Variants in PBX1 observed in about 807,000 individuals in gnomAD.
PBX1 encodes PBX homeobox 1, also known as pre-B-cell leukemia transcription factor 1.
In PBX1, 6 loss-of-function variants were observed where a neutral mutation model predicts 53.4. The ratio of observed to expected loss-of-function variants is 0.11; its 90% CI spans 0.06 to 0.22. The LOEUF (loss-of-function observed/expected upper bound fraction) is 0.22. PBX1 is among the 10% of genes least tolerant of loss of function. The pLI, the probability that PBX1 is intolerant of heterozygous loss-of-function variation, is 1.00. For missense variants in PBX1, 251 were observed against 551.4 expected, an observed-to-expected ratio of 0.46 and a Z score of 5.46; for synonymous variants, 204 against 212.3, an observed-to-expected ratio of 0.96 and a Z score of 0.34.
At chr1:164,840,450 A>C (rs12081132) in intron 8 of PBX1, among the ~76,000 whole-genome samples, 2 of 152,112 alleles carry the variant, frequency 1.3e-5, no homozygotes, top group African/African-American at 4.8e-5. Flanking sequence ...CCAGAGAGAG[A>C]AAAGATAGGG....
At chr1:164,787,580 G>C (rs925896441) in intron 2 of PBX1, 13 of 152,262 alleles carry the variant, frequency 8.5e-5, no homozygotes, top group African/African-American at 2.9e-4. Flanking sequence ...CTCCCGCCAA[G>C]GATGATCTTG....
chr1:164,579,014 G>A (rs770119801), intron 2 of PBX1, among the ~76,000 whole-genome samples: 2 of 134,168 alleles, frequency 1.5e-5, no homozygotes, highest in South Asian at 2.7e-4. Context: ...TGGCATTTCC[G>A]TGGGATGGCT....
chr1:164,638,971 C>T (rs372456635), intron 2 of PBX1, among the ~76,000 whole-genome samples: 2 of 152,154 alleles, frequency 1.3e-5, no homozygotes, highest in Admixed American at 6.5e-5. Context: ...ACTGCCTGCC[C>T]GTTTTTTCTC....
intron 2 of PBX1, among the ~76,000 whole-genome samples, chr1:164,588,509 A>G (rs1026922773): frequency 8.1e-6 from 1 of 123,600 alleles, no homozygotes; most frequent in African/African-American, 2.9e-5. Flanking sequence ...TTAGTTTCGA[A>G]GCATATGGTG....
At position 164,643,376 on chromosome 1, in the gene PBX1, G is replaced by T. The variant is rs546069273; in HGVS notation, c.265+80065G>T. Among the ~76,000 whole-genome samples, 11 of 152,232 alleles carry T rather than the reference G, an allele frequency of 7.2e-5. No homozygotes were observed. The East Asian group carries it at 1.7e-3, about 24-fold the overall frequency. On this transcript the variant is annotated intron_variant, in intron 2 of 8. Coordinates refer to ENST00000420696, the MANE Select transcript of PBX1 (RefSeq NM_002585.4). ...AATAAAAAGAAAGGGCAAAGTTCAG[G>T]GTATATATTCTAGAAGAAGATGGGA...
chr1:164,775,824 A>G (rs1040673910), intron 2 of PBX1, among the ~76,000 whole-genome samples: 1 of 152,142 alleles, frequency 6.6e-6, no homozygotes, highest in African/African-American at 2.4e-5. Flanking sequence ...AGGTAAACAC[A>G]AGCACCTGGC....
Position 164,846,870 on chromosome 1 carries a change from CT to C in PBX1, c.*202del, listed in dbSNP as rs554904027. 17 of 1,403,832 alleles carry C rather than the reference CT, an allele frequency of 1.2e-5. No individual in the cohort carries two copies. Among genetic ancestry groups the C allele is most frequent in the South Asian group, 6.7e-5 (4 of 59,748 alleles). 87.0% of individuals were successfully genotyped at this position (1,403,832 alleles called of 1,614,324 possible). Reference sequence around the variant, plus strand: ...TGGACACTTCTTTATACTCTCTTCCCTTTTTTTTCTGGGTAGAAGCCACCCT... The same window carrying C: ...TGGACACTTCTTTATACTCTCTTCCCTTTTTTTCTGGGTAGAAGCCACCCT... On this transcript the variant is annotated 3_prime_UTR_variant, in exon 9 of 9. Transcript: ENST00000420696.
intron 2 of PBX1, among the ~76,000 whole-genome samples, chr1:164,720,553 C>T (rs146156694): frequency 7.2e-4 from 110 of 152,274 alleles, no homozygotes; most frequent in Middle Eastern, 3.4e-3. Flanking sequence ...TCTGATGTAT[C>T]TGAGAACCCT....
intron 2 of PBX1, among the ~76,000 whole-genome samples, chr1:164,711,383 C>A (rs1663766151): frequency 6.6e-6 from 1 of 152,206 alleles, no homozygotes. Context: ...CCTGCCTCAG[C>A]CTCCCGAGTA....
chr1:164,770,001 C>A (rs1667282764), intron 2 of PBX1: 1 of 152,190 alleles, frequency 6.6e-6, no homozygotes, highest in South Asian at 2.1e-4. Flanking sequence ...TGAAGAACTG[C>A]ACTTGCGTAA....
chr1:164,733,789 GAATT>G (rs956005688), intron 2 of PBX1, among the ~76,000 whole-genome samples: 8 of 152,090 alleles, frequency 5.3e-5, no homozygotes, highest in African/African-American at 1.9e-4. Flanking sequence ...TCTTATATTT[GAATT>G]AATTATAAGA....
intron 2 of PBX1, chr1:164,774,330 C>G (rs187255819): frequency 6.6e-6 from 1 of 152,264 alleles, no homozygotes; most frequent in Admixed American, 6.5e-5. Context: ...CTCAAGTTTT[C>G]GAAATGAGAA....
chr1:164,597,568 A>T (rs1004329265), intron 2 of PBX1, among the ~76,000 whole-genome samples: 4 of 152,186 alleles, frequency 2.6e-5, no homozygotes, highest in Non-Finnish European at 5.9e-5. Context: ...GAGGACCATG[A>T]TATTCATCTT....
intron 2 of PBX1, among the ~76,000 whole-genome samples, chr1:164,602,030 A>G (rs1263234440): frequency 6.6e-6 from 1 of 152,174 alleles, no homozygotes; most frequent in Non-Finnish European, 1.5e-5. Context: ...TGTTAGTTAA[A>G]AGGTAATCTG....
intron 2 of PBX1, among the ~76,000 whole-genome samples, chr1:164,566,898 C>T (rs900371466): frequency 3.9e-5 from 6 of 152,144 alleles, no homozygotes; most frequent in East Asian, 1.9e-4. Context: ...TCAAAGTTAA[C>T]GCAAATCAAA....
chr1:164,716,685 T>TACAC (rs375539653), intron 2 of PBX1, among the ~76,000 whole-genome samples: 5,157 of 115,778 alleles, frequency 0.045, 200 homozygotes, highest in African/African-American at 0.093. Flanking sequence ...ATGTCATCTC[T>TACAC]ACACACACAC....
chr1:164,737,798 G>A (rs1665379395), intron 2 of PBX1, among the ~76,000 whole-genome samples: 1 of 151,982 alleles, frequency 6.6e-6, no homozygotes, highest in Non-Finnish European at 1.5e-5. Context: ...ACAAATATAT[G>A]TTTTCCTCTC....
chr1:164,782,289 T>G (rs1667972454), intron 2 of PBX1, among the ~76,000 whole-genome samples: 1 of 152,220 alleles, frequency 6.6e-6, no homozygotes, highest in African/African-American at 2.4e-5. Context: ...TGGCTGGAAT[T>G]TGCTGTTTGG....
chr1:164,761,455 T>A (rs1479078744), intron 2 of PBX1, among the ~76,000 whole-genome samples: 1 of 152,156 alleles, frequency 6.6e-6, no homozygotes, highest in African/African-American at 2.4e-5. Context: ...TTATTCTTTT[T>A]TTTTTTTGAG....
Sources: gnomAD v4.1 joint callset for allele counts (sites outside exome capture counted in the v4.1 genomes callset) on GRCh38, gnomAD v4.1.1 for gene constraint, MANE v1.5 for transcripts, NCBI Gene and HGNC (gene_info 2026-07-23, HGNC 2026-07-21) for gene names.